The following CDC14A variants were observed in gnomAD, a reference collection of about 807,000 sequenced individuals.
CDC14A encodes the protein dual specificity protein phosphatase CDC14A.
In CDC14A, 53 loss-of-function variants were observed where a neutral mutation model predicts 74.4. That is an observed-to-expected ratio of 0.71 (90% confidence interval 0.57 to 0.89). The LOEUF (loss-of-function observed/expected upper bound fraction) is 0.89, where lower values mean the gene tolerates loss of function less well. CDC14A is among the 40% of genes least tolerant of loss of function. CDC14A has a pLI of 0.00. For missense variants in CDC14A, 646 were observed against 713.7 expected (o/e 0.91, Z 1.08); for synonymous variants, 247 against 258.4 (o/e 0.96, Z 0.43).
At chr1:100,416,589 T>C (rs1192869473) in intron 4 of CDC14A, among the ~76,000 whole-genome samples, 1 of 152,198 alleles carries the variant, frequency 6.6e-6, no homozygotes, top group African/African-American at 2.4e-5. Context: ...CATATTCTGA[T>C]GTTTGTATAC....
At chr1:100,473,630 C>T (rs1389353804) in intron 10 of CDC14A, among the ~76,000 whole-genome samples, 1 of 152,128 alleles carries the variant, frequency 6.6e-6, no homozygotes, top group Non-Finnish European at 1.5e-5. Context: ...TCAGGTTATC[C>T]TCCCACCTCG....
At chr1:100,400,518 G>A (rs1332512328) in intron 4 of CDC14A, among the ~76,000 whole-genome samples, 3 of 152,150 alleles carry the variant, frequency 2.0e-5, no homozygotes, top group Non-Finnish European at 2.9e-5. Context: ...GAGAGGAAGG[G>A]AGGGGAGGCA....
At chr1:100,486,420 C>G (rs1670017401) in intron 11 of CDC14A, among the ~76,000 whole-genome samples, 1 of 152,136 alleles carries the variant, frequency 6.6e-6, no homozygotes, top group Admixed American at 6.5e-5. Flanking sequence ...GTCTACTCCC[C>G]CGTCTTAGTC....
intron 4 of CDC14A, among the ~76,000 whole-genome samples, chr1:100,411,638 T>C (rs1444125147): frequency 6.6e-6 from 1 of 152,164 alleles, no homozygotes; most frequent in Non-Finnish European, 1.5e-5. Flanking sequence ...AAAAACTCTT[T>C]CTTCATTTTA....
At position 100,368,312 on chromosome 1, in the gene CDC14A, A is replaced by T. The variant is rs76842430; in HGVS notation, c.141-9234A>T. On this transcript the variant is annotated intron_variant, in intron 2 of 15. Transcript: ENST00000336454. Reference sequence around the variant, plus strand: ...GTTTCACCTTAGTTAATTTAAATTTAAATAGCCATGACTAGTGGCTACCAT... The same window carrying T: ...GTTTCACCTTAGTTAATTTAAATTTTAATAGCCATGACTAGTGGCTACCAT... Among the ~76,000 whole-genome samples the T allele has an allele frequency of 9.0e-3, 1,369 of 152,348 alleles. 23 individuals are homozygous for T. The highest frequency in any genetic ancestry group is 0.032 in the African/African-American group (1,313 of 41,576).
intron 2 of CDC14A, among the ~76,000 whole-genome samples, chr1:100,371,765 A>G (rs1654511331): frequency 6.6e-6 from 1 of 152,210 alleles, no homozygotes; most frequent in Non-Finnish European, 1.5e-5. Context: ...GTGAGTTTAA[A>G]AAGCTGAAAT....
At chr1:100,408,430 C>T (rs1660235048) in intron 4 of CDC14A, among the ~76,000 whole-genome samples, 1 of 152,156 alleles carries the variant, frequency 6.6e-6, no homozygotes, top group Non-Finnish European at 1.5e-5. Context: ...TAGGTATATA[C>T]TCAGTAATAC....
intron 2 of CDC14A, among the ~76,000 whole-genome samples, chr1:100,376,030 G>C (rs951654027): frequency 2.6e-5 from 4 of 152,040 alleles, no homozygotes; most frequent in African/African-American, 7.3e-5. Flanking sequence ...CCATCATTCT[G>C]AGCAAACTAT....
intron 2 of CDC14A, among the ~76,000 whole-genome samples, chr1:100,369,024 G>C (rs1654037505): frequency 6.6e-6 from 1 of 151,882 alleles, no homozygotes; most frequent in South Asian, 2.1e-4. Context: ...TTTTCACAGT[G>C]GCTGGACTAA....
upstream of CDC14A, among the ~76,000 whole-genome samples, chr1:100,348,540 CCA>C (rs1241194540): frequency 3.9e-5 from 6 of 152,148 alleles, no homozygotes; most frequent in East Asian, 1.2e-3. Context: ...TAGTCTGCAT[CCA>C]GTTCTGGGAC....
chr1:100,409,683 T>C, intron 4 of CDC14A, among the ~76,000 whole-genome samples: 1 of 152,242 alleles, frequency 6.6e-6, no homozygotes, highest in East Asian at 1.9e-4. Flanking sequence ...TTTGATTCCA[T>C]ATCTCACATC....
chr1:100,486,511 TG>T (rs1670029526), intron 11 of CDC14A, among the ~76,000 whole-genome samples: 1 of 152,190 alleles, frequency 6.6e-6, no homozygotes, highest in African/African-American at 2.4e-5. Context: ...TTCTGCAGGT[TG>T]GGAAATTCAA....
rs1214895761 is a variant in CDC14A, at chr1:100,406,930, TAA to T, written c.309+16121_309+16122del. On this transcript the variant is annotated intron_variant, in intron 4 of 15. Transcript: ENST00000336454. ...AACAAGAGCGAAACTCTGTCTCAAATAAAAAAAAAAAAAAAAGAAAAAGGCAG... is the reference window on the plus strand; with the variant it reads ...AACAAGAGCGAAACTCTGTCTCAAATAAAAAAAAAAAAAAGAAAAAGGCAG... 5.8e-4 allele frequency among the ~76,000 whole-genome samples: 63 copies of T among 108,560 alleles called. 1 individual carries two copies. Among genetic ancestry groups the T allele is most frequent in the African/African-American group, 1.0e-3 (30 of 29,818 alleles). 71.2% of individuals were successfully genotyped at this position (108,560 alleles called of 152,430 possible).
Position 100,494,841 on chromosome 1 carries a change from G to C in CDC14A, c.1161G>C (p.Val387=), listed in dbSNP as rs1458250778. The C allele has an allele frequency of 6.2e-7, 1 of 1,611,190 alleles. No individual in the cohort carries two copies. The highest frequency in any genetic ancestry group is 1.7e-5 in the Admixed American group (1 of 59,852). The part of the protein sequence containing the change: ...FGEDNLEDDD[V]EMKNGITQGD... ...AGGATAACTTAGAAGATGATGATGT[G>C]GAAATGAAAAATGGTATAACCCAGG... The change falls in exon 12 of 16, where the codon GTG becomes GTC. Residue 387 remains valine, a synonymous_variant. Transcript: ENST00000336454.
intron 11 of CDC14A, among the ~76,000 whole-genome samples, chr1:100,491,721 AC>A: frequency 6.7e-6 from 1 of 150,132 alleles, no homozygotes; most frequent in Admixed American, 6.6e-5. Flanking sequence ...ACAGGCACGC[AC>A]CACCACATTC....
chr1:100,398,824 G>A (rs1658889093), intron 4 of CDC14A, among the ~76,000 whole-genome samples: 1 of 152,062 alleles, frequency 6.6e-6, no homozygotes, highest in Non-Finnish European at 1.5e-5. Flanking sequence ...GTTGGTGTGG[G>A]TGTGGAGGGC....
intron 2 of CDC14A, chr1:100,363,170 A>C (rs949157443): frequency 1.2e-4 from 18 of 152,236 alleles, no homozygotes; most frequent in Admixed American, 9.8e-4. Flanking sequence ...CTCACTGTAC[A>C]TGTGGCTGGC....
chr1:100,491,518 ATCTCTCTCTC>A (rs761858427), intron 11 of CDC14A, among the ~76,000 whole-genome samples: 21 of 26,590 alleles, frequency 7.9e-4, no homozygotes, highest in African/African-American at 1.7e-3. Context: ...ATATATCTGC[ATCTCTCTCTC>A]TCTCTCTCTC....
intron 3 of CDC14A, among the ~76,000 whole-genome samples, chr1:100,383,119 G>T (rs1442962901): frequency 6.6e-6 from 1 of 152,160 alleles, no homozygotes; most frequent in Non-Finnish European, 1.5e-5. Flanking sequence ...GGTTCTAGGG[G>T]CTCCAAAGCA....
Sources: gnomAD v4.1 joint callset for allele counts (sites outside exome capture counted in the v4.1 genomes callset) on GRCh38, gnomAD v4.1.1 for gene constraint, MANE v1.5 for transcripts, NCBI Gene and HGNC (gene_info 2026-07-23, HGNC 2026-07-21) for gene names.